The following HERC2 variants were observed in gnomAD, a reference collection of about 807,000 sequenced individuals.
HERC2 encodes the protein E3 ubiquitin-protein ligase HERC2.
In HERC2, 102 loss-of-function variants were observed where a neutral mutation model predicts 537.7. That is an observed-to-expected ratio of 0.19 (90% CI 0.16 to 0.22). The LOEUF (loss-of-function observed/expected upper bound fraction) is 0.22, where lower values mean the gene tolerates loss of function less well. HERC2 is among the 10% of genes least tolerant of loss of function. HERC2 has a pLI of 1.00. For synonymous variants in HERC2, 2,224 were observed against 2,466.2 expected (o/e 0.90, Z 2.91); for missense variants, 4,236 against 6,198.2 (o/e 0.68, Z 10.63).
In HERC2 at chr15:28,188,886, G is replaced by A. The variant is rs565762361; in HGVS notation, c.8649+2079C>T. ...GCAGATCACCTGAGGTCAGGAGTTC[G>A]AGACCAGCCTGGCCAACATGACAAA... On this transcript the variant is annotated intron_variant, in intron 55 of 92. Transcript: ENST00000261609. Among the ~76,000 whole-genome samples the A allele has an allele frequency of 1.4e-4, 22 of 152,146 alleles. No homozygotes were observed. The South Asian group carries it at 1.9e-3, about 13-fold the overall frequency.
At chr15:28,296,351 G>C (rs2076469500) in intron 3 of HERC2, among the ~76,000 whole-genome samples, 1 of 152,082 alleles carries the variant, frequency 6.6e-6, no homozygotes, top group Non-Finnish European at 1.5e-5. Flanking sequence ...GAGGGTGCCT[G>C]TAATCCTAGC....
chr15:28,284,806 T>C (rs560702462), intron 4 of HERC2, among the ~76,000 whole-genome samples: 46 of 149,556 alleles, frequency 3.1e-4, no homozygotes, highest in Non-Finnish European at 5.8e-4. Flanking sequence ...TCCCAGCTAC[T>C]CAGGAGGCTG....
intron 14 of HERC2, among the ~76,000 whole-genome samples, chr15:28,264,439 G>A (rs1258462921): frequency 6.6e-6 from 1 of 152,200 alleles, no homozygotes; most frequent in African/African-American, 2.4e-5. Context: ...CATATGCTGT[G>A]CTGAAAATTA....
intron 84 of HERC2, among the ~76,000 whole-genome samples, chr15:28,124,793 G>C (rs1396885689): frequency 2.0e-5 from 3 of 152,190 alleles, no homozygotes; most frequent in Non-Finnish European, 2.9e-5. Flanking sequence ...CAAGCAATCC[G>C]CCCACCTTGG....
At chr15:28,209,544 C>T (rs908089512) in intron 44 of HERC2, among the ~76,000 whole-genome samples, 11 of 152,182 alleles carry the variant, frequency 7.2e-5, no homozygotes, top group South Asian at 4.1e-4. Flanking sequence ...GGAGTTTCAC[C>T]GTGTTAGCCA....
Position 28,144,017 on chromosome 15 carries a change from A to G in HERC2, c.11300-26T>C. 3 of 1,614,178 alleles carry G rather than the reference A, an allele frequency of 1.9e-6. No individual in the cohort carries two copies. The African/African-American group carries it at 4.0e-5, about 22-fold the overall frequency. On this transcript the variant is annotated intron_variant, in intron 73 of 92. Transcript: ENST00000261609. ...CTGAAATGAGCAGAGAGAAAGTATC[A>G]GAAGTCTGATGGTTTCTTCCAAGCA...
In HERC2 at chr15:28,220,618, G is replaced by A. The variant is rs773199051; in HGVS notation, c.5679C>T (p.Arg1893=). The A allele has an allele frequency of 2.8e-5, 45 of 1,600,246 alleles. No homozygotes were observed. In the Admixed American group the frequency reaches 3.5e-4, roughly 12 times the overall value. ...CGTCCTCTCCCAGCTCACCAATCAC[G>A]CGGCCTAGGCCTGGAGGAGGCCCAT... ...DQDGPPPGLG[R]VIGELGEDGW... The change falls in exon 37 of 93, where the codon CGC becomes CGT. Residue 1893 remains arginine, a synonymous_variant. Coordinates refer to ENST00000261609, the MANE Select transcript of HERC2 (RefSeq NM_004667.6).
rs1895588323 is a variant in HERC2, at chr15:28,179,206, G to T, written c.8955C>A (p.Phe2985Leu). The change falls in exon 58 of 93, where the codon TTC (phenylalanine) becomes TTA (leucine). Residue 2985 changes from phenylalanine (F) to leucine (L), a missense_variant. Phe to Leu is a conservative substitution (Grantham distance 22). Around this residue, in one of 27 missense-constraint regions of HERC2, gnomAD observed 606 missense variants for 884.5 expected, o/e 0.69. Transcript: ENST00000261609. ...CATTCAAAGCTGACAGTGTCTCAGA[G>T]AACGAAGGAACCTTTATCTACAACA... ...LKGSKIKVPS[F>L]SETLSALNVV... 3.7e-6 allele frequency: 6 copies of T among 1,607,320 alleles called. No homozygotes were observed. The East Asian group carries it at 1.1e-4, about 30-fold the overall frequency.
chr15:28,229,440 A>G lies in HERC2; in HGVS notation c.5120+20T>C. 6.2e-7 allele frequency: 1 copy of G among 1,613,748 alleles called. No individual in the cohort carries two copies. The highest frequency in any genetic ancestry group is 8.5e-7 in the Non-Finnish European group (1 of 1,179,682). On this transcript the variant is annotated intron_variant, in intron 33 of 92. Coordinates refer to ENST00000261609, the MANE Select transcript of HERC2 (RefSeq NM_004667.6). The stretch of plus-strand genomic sequence containing the variant: ...TGCCATAGCTACCTTAATTAAGAAA[A>G]AAATATGCTAACGTTTTACCCTATA...
At position 28,265,914 on chromosome 15, in the gene HERC2, C is replaced by G. The variant is rs768969425; in HGVS notation, c.1659G>C (p.Val553=). Reference sequence around the variant, plus strand: ...AAGTGCTCCCGCAAGCGATGTGCACCACGTGCTTCCCGGCCTGCTTTCCAG... The same window carrying G: ...AAGTGCTCCCGCAAGCGATGTGCACGACGTGCTTCCCGGCCTGCTTTCCAG... ...AFSGKQAGKH[V]VHIACGSTYS... is the part of the protein sequence containing the mutation. The change falls in exon 13 of 93, where the codon GTG becomes GTC. Residue 553 remains valine, a synonymous_variant. Transcript: ENST00000261609. The surrounding 1 kb of genome is among the most constrained non-coding windows in gnomAD (Gnocchi z 4.0). 16 of 1,614,206 alleles carry G rather than the reference C, an allele frequency of 9.9e-6. No individual in the cohort carries two copies. The highest frequency in any genetic ancestry group is 1.4e-5 in the Non-Finnish European group (16 of 1,180,048).
rs192631087 is a variant in HERC2, at chr15:28,117,222, C to T, written c.13273-68G>A. On this transcript the variant is annotated intron_variant, in intron 86 of 92. Coordinates refer to ENST00000261609, the MANE Select transcript of HERC2 (RefSeq NM_004667.6). ...CAGGAAGCACACAGTCGGGGATATG[C>T]GGCACTGGCGAATGCACGAGGAGGA... is the stretch of plus-strand genomic sequence containing the variant. The T allele has an allele frequency of 8.6e-4, 1,272 of 1,485,152 alleles. 12 individuals carry two copies. The African/African-American group carries it at 0.015, about 18-fold the overall frequency. 92.0% of individuals were successfully genotyped at this position (1,485,152 alleles called of 1,614,324 possible).
At chr15:28,302,077 C>T (rs1456405342) in intron 2 of HERC2, among the ~76,000 whole-genome samples, 19 of 148,134 alleles carry the variant, frequency 1.3e-4, no homozygotes, top group African/African-American at 4.5e-4. Context: ...GGATTACAGG[C>T]GTAAGCCACT....
chr15:28,202,295 C>T, intron 46 of HERC2, 46 bp from the exon 47 acceptor site: 5 of 1,612,976 alleles, frequency 3.1e-6, no homozygotes, highest in Non-Finnish European at 4.2e-6. Context: ...AGTCAACAGC[C>T]CTGAAGCGGG....
chr15:28,319,352 G>C (rs1454726001), intron 2 of HERC2, among the ~76,000 whole-genome samples: 2 of 152,138 alleles, frequency 1.3e-5, no homozygotes, highest in African/African-American at 2.4e-5. Flanking sequence ...TTGGGAGGCC[G>C]AGGCAGGCAG....
At chr15:28,211,598 G>A (rs539984218) in intron 43 of HERC2, among the ~76,000 whole-genome samples, 1 of 152,096 alleles carries the variant, frequency 6.6e-6, no homozygotes, top group African/African-American at 2.4e-5. Flanking sequence ...GCAGCACAGA[G>A]AGCATGGGGT....
At chr15:28,209,940 CTTTTTTTTTT>C (rs1164101918) in intron 44 of HERC2, among the ~76,000 whole-genome samples, 953 of 77,370 alleles carry the variant, frequency 0.012, 23 homozygotes, top group African/African-American at 0.048. Flanking sequence ...AATACATTAT[CTTTTTTTTTT>C]TTTTTTTTTT....
intron 11 of HERC2, 99 bp downstream of exon 11, chr15:28,269,149 G>T: frequency 1.2e-6 from 1 of 858,650 alleles, no homozygotes. Flanking sequence ...TCAATCTTCA[G>T]AAATCAAACG....
chr15:28,113,108 G>A lies in HERC2; in HGVS notation c.14195C>T (p.Thr4732Ile), dbSNP rs2142032442. ...GTCTCGGCCCCGGAAGTCGGCGATG[G>A]TCCTGGGCAGCCTCGTCCGGCCCCA... ...FVWGRTRLPR[T>I]IADFRGRDFV... Residue 4732 changes from threonine to isoleucine, a missense_variant, in exon 92 of 93, where the codon ACC (threonine) becomes ATC (isoleucine). By Grantham distance (89) the Thr-to-Ile change is moderately conservative. This residue lies in a region of HERC2 where 313 missense variants were observed against 462.6 expected (regional missense o/e 0.68). Coordinates refer to ENST00000261609, the MANE Select transcript of HERC2 (RefSeq NM_004667.6). The surrounding 1 kb of genome is among the most constrained non-coding windows in gnomAD (Gnocchi z 7.0). The A allele has an allele frequency of 6.2e-7, 1 of 1,613,806 alleles. No homozygotes were observed. The highest frequency in any genetic ancestry group is 8.5e-7 in the Non-Finnish European group (1 of 1,180,042).
intron 21 of HERC2, among the ~76,000 whole-genome samples, chr15:28,247,421 C>CTTTTTTT (rs71132843): frequency 6.6e-5 from 5 of 76,188 alleles, no homozygotes; most frequent in African/African-American, 2.6e-4. Flanking sequence ...CTACATGGTT[C>CTTTTTTT]TTTTTTTTTT....
Sources: allele counts gnomAD v4.1 joint callset (sites outside exome capture counted in the v4.1 genomes callset), GRCh38; gene constraint gnomAD v4.1.1; regional missense constraint gnomAD v4.1.1; non-coding constraint Gnocchi (gnomAD v3.1); transcripts MANE v1.5; gene names NCBI Gene and HGNC (gene_info 2026-07-23, HGNC 2026-07-21).